The following DNAH11 variants were observed in gnomAD, a reference collection of about 807,000 sequenced individuals.
The protein encoded by DNAH11 is dynein axonemal heavy chain 11.
Under a neutral mutation model 526.0 loss-of-function variants are expected in DNAH11, and 442 were observed. That is an observed-to-expected ratio of 0.84 (90% CI 0.78 to 0.91). DNAH11 has a LOEUF of 0.91. Among genes scored for constraint, DNAH11 ranks in the 40% least tolerant of loss-of-function variants. DNAH11 has a pLI of 0.00. For missense variants in DNAH11, 6,989 were observed against 5,448.7 expected, an observed-to-expected ratio of 1.28 and a Z score of -8.90; for synonymous variants, 2,461 against 1,935.9, an observed-to-expected ratio of 1.27 and a Z score of -7.12.
At chr7:21,669,435 T>C (rs1782552565) in intron 30 of DNAH11, among the ~76,000 whole-genome samples, 1 of 152,128 alleles carries the variant, frequency 6.6e-6, no homozygotes, top group African/African-American at 2.4e-5. Flanking sequence ...CCTCCCAAAG[T>C]GTTGGGATTA....
At chr7:21,657,092 G>A (rs369805212) in intron 29 of DNAH11, among the ~76,000 whole-genome samples, 12 of 152,264 alleles carry the variant, frequency 7.9e-5, no homozygotes, top group East Asian at 1.9e-4. Context: ...TTCTGTATAA[G>A]CAACTTATGC....
rs747351651 is a variant in DNAH11 at position 21,738,778 on chromosome 7, A to G, written c.7723A>G (p.Ile2575Val). 11 of 1,595,338 alleles carry G rather than the reference A, an allele frequency of 6.9e-6. No homozygotes were observed. The highest frequency in any genetic ancestry group is 9.4e-6 in the Non-Finnish European group (11 of 1,170,036). ...PGGNKKLIYF[I>V]DDMNMPEVDL... is the part of the protein sequence containing the mutation. ...AGGAAATAAAAAATTGATTTATTTT[A>G]TCGACGACATGAACATGCCTGAAGT... The change falls in exon 47 of 82, where the codon ATC (isoleucine) becomes GTC (valine). Residue 2575 changes from isoleucine to valine, a missense_variant. Coordinates refer to ENST00000409508, the MANE Select transcript of DNAH11 (RefSeq NM_001277115.2).
At chr7:21,596,469 A>G (rs1377252880) in intron 14 of DNAH11, among the ~76,000 whole-genome samples, 1 of 152,202 alleles carries the variant, frequency 6.6e-6, no homozygotes, top group Non-Finnish European at 1.5e-5. Flanking sequence ...TGTTCAATAA[A>G]TGCTGTGAAT....
intron 6 of DNAH11, 104 bp from the exon 7 acceptor site, chr7:21,569,965 C>T: frequency 1.1e-6 from 1 of 947,698 alleles, no homozygotes; most frequent in Non-Finnish European, 1.5e-6. Flanking sequence ...GCTGGCCCAA[C>T]TTTAGATACT....
chr7:21,556,906 C>G (rs112932613), intron 2 of DNAH11, among the ~76,000 whole-genome samples: 2 of 152,134 alleles, frequency 1.3e-5, no homozygotes, highest in East Asian at 3.9e-4. Context: ...TACTAAAATA[C>G]GAAAACTAGC....
At chr7:21,789,785 C>CTTTCTTTCTTTCTTTCTTTCTTT (rs1248033752) in intron 61 of DNAH11, among the ~76,000 whole-genome samples, 1 of 94,472 alleles carries the variant, frequency 1.1e-5, no homozygotes, top group African/African-American at 4.2e-5. Context: ...TTCTTTCTTT[C>CTTTCTTTCTTTCTTTCTTTCTTT]TTTCTTTCTT....
In DNAH11 at chr7:21,738,835, C is replaced by A; in HGVS notation, c.7780C>A (p.Leu2594Met). The A allele has an allele frequency of 6.2e-7, 1 of 1,603,926 alleles. No homozygotes were observed. The highest frequency in any genetic ancestry group is 2.2e-5 in the East Asian group (1 of 44,686). The change falls in exon 47 of 82, where the codon CTG becomes ATG. Residue 2594 changes from leucine to methionine, a missense_variant. Leu to Met is a conservative substitution (Grantham distance 15, BLOSUM62 2). Transcript: ENST00000409508. ...ATATGGCACCGTTCAGCCTCACACC[C>A]TGATCCGGCAGCATATTGATTATGG... ...DLYGTVQPHT[L>M]IRQHIDYGHW...
At chr7:21,826,084 T>G (rs939865944) in intron 65 of DNAH11, among the ~76,000 whole-genome samples, 2 of 152,260 alleles carry the variant, frequency 1.3e-5, no homozygotes, top group Non-Finnish European at 2.9e-5. Flanking sequence ...TTTTGGGTGA[T>G]GGTTACATTG....
intron 6 of DNAH11, among the ~76,000 whole-genome samples, chr7:21,568,486 C>G (rs1436491167): frequency 6.6e-6 from 1 of 152,192 alleles, no homozygotes; most frequent in Non-Finnish European, 1.5e-5. Context: ...CTAGTAGGGT[C>G]ACAGCCAGCC....
intron 76 of DNAH11, among the ~76,000 whole-genome samples, chr7:21,884,854 T>G (rs1784065110): frequency 6.6e-6 from 1 of 152,196 alleles, no homozygotes; most frequent in South Asian, 2.1e-4. Flanking sequence ...TTCACTAAAG[T>G]TTCTTTTCTG....
chr7:21,649,617 A>G (rs1055054012), intron 28 of DNAH11, among the ~76,000 whole-genome samples: 4 of 151,492 alleles, frequency 2.6e-5, no homozygotes, highest in Admixed American at 2.0e-4. Context: ...AGTAACTGGC[A>G]TGCACCATGA....
At chr7:21,606,810 C>A in intron 20 of DNAH11, 77 bp downstream of exon 20, 3 of 1,228,956 alleles carry the variant, frequency 2.4e-6, no homozygotes, top group Non-Finnish European at 3.5e-6. Flanking sequence ...CAAAATACTG[C>A]CACATTTTGT....
At chr7:21,692,652 T>G (rs543889981) in intron 35 of DNAH11, among the ~76,000 whole-genome samples, 1 of 152,324 alleles carries the variant, frequency 6.6e-6, no homozygotes, top group South Asian at 2.1e-4. Context: ...GATGTTTACA[T>G]GAACATATAT....
At chr7:21,549,390 G>A (rs1782932300) in intron 2 of DNAH11, among the ~76,000 whole-genome samples, 1 of 61,760 alleles carries the variant, frequency 1.6e-5, no homozygotes. Flanking sequence ...ATACTCTAAG[G>A]TTTGCTTTAA....
intron 51 of DNAH11, 88 bp downstream of exon 51, chr7:21,745,151 A>T (rs571966988): frequency 7.5e-7 from 1 of 1,336,666 alleles, no homozygotes; most frequent in East Asian, 2.5e-5. Flanking sequence ...CATACTAAGC[A>T]CTCTGAACCA....
chr7:21,578,390 A>C (rs909694505), intron 8 of DNAH11, among the ~76,000 whole-genome samples: 2 of 152,222 alleles, frequency 1.3e-5, no homozygotes, highest in African/African-American at 4.8e-5. Flanking sequence ...TATGTCTCAC[A>C]TCTAGGACAC....
At chr7:21,831,454 C>G (rs914741831) in intron 65 of DNAH11, among the ~76,000 whole-genome samples, 1 of 152,144 alleles carries the variant, frequency 6.6e-6, no homozygotes, top group African/African-American at 2.4e-5. Flanking sequence ...ATTTTTGCCT[C>G]TCATAGATCA....
Position 21,749,652 on chromosome 7 carries a change from A to T in DNAH11, c.8674-26A>T, listed in dbSNP as rs2128492889. The T allele has an allele frequency of 3.7e-6, 6 of 1,613,124 alleles. No individual in the cohort carries two copies. The East Asian group carries it at 1.3e-4, about 36-fold the overall frequency. ...AACGCCGCATCAGCATTTTAACAAAACATGAGTGATGGCCTTTCCTTACAG... is the reference window on the plus strand; with the variant it reads ...AACGCCGCATCAGCATTTTAACAAATCATGAGTGATGGCCTTTCCTTACAG... On this transcript the variant is annotated intron_variant, in intron 52 of 81. Coordinates refer to ENST00000409508, the MANE Select transcript of DNAH11 (RefSeq NM_001277115.2).
chr7:21,712,110 C>G (rs895178158), intron 42 of DNAH11, among the ~76,000 whole-genome samples: 2 of 152,082 alleles, frequency 1.3e-5, no homozygotes, highest in Non-Finnish European at 2.9e-5. Flanking sequence ...CTCTAGGTAC[C>G]GCATATAAAT....
Sources: allele counts gnomAD v4.1 joint callset (sites outside exome capture counted in the v4.1 genomes callset), GRCh38; gene constraint gnomAD v4.1.1; transcripts MANE v1.5; gene names NCBI Gene and HGNC (gene_info 2026-07-23, HGNC 2026-07-21).